The following LAMA2 variants were observed in gnomAD, a reference collection of about 807,000 sequenced individuals.
LAMA2 encodes the protein laminin subunit alpha-2.
A neutral mutation model predicts 364.8 loss-of-function variants in LAMA2; 269 were observed. That is an observed-to-expected ratio of 0.74 (90% CI 0.67 to 0.82). The LOEUF (loss-of-function observed/expected upper bound fraction) is 0.82. Among genes scored for constraint, LAMA2 ranks in the 40% least tolerant of loss-of-function variants. LAMA2 has a pLI of 0.00. For synonymous variants in LAMA2, 1,379 were observed against 1,370.6 expected (o/e 1.01, Z -0.14); for missense variants, 3,807 against 3,873.2 (o/e 0.98, Z 0.45).
intron 34 of LAMA2, among the ~76,000 whole-genome samples, chr6:129,379,386 A>G (rs181662680): frequency 6.6e-6 from 1 of 152,162 alleles, no homozygotes; most frequent in Non-Finnish European, 1.5e-5. Context: ...TGAACTTAAA[A>G]GTTAAAAAAA....
intron 1 of LAMA2, among the ~76,000 whole-genome samples, chr6:128,950,318 G>T (rs1780731920): frequency 6.6e-6 from 1 of 152,148 alleles, no homozygotes; most frequent in Non-Finnish European, 1.5e-5. Context: ...AGGGTAAAGG[G>T]CACTGATTGT....
At chr6:129,118,411 T>G (rs1172706264) in intron 4 of LAMA2, among the ~76,000 whole-genome samples, 1 of 152,234 alleles carries the variant, frequency 6.6e-6, no homozygotes, top group African/African-American at 2.4e-5. Flanking sequence ...TGGTTTACGA[T>G]TCCTTCTTCC....
At chr6:129,108,121 A>G (rs1311443754) in intron 4 of LAMA2, among the ~76,000 whole-genome samples, 2 of 151,764 alleles carry the variant, frequency 1.3e-5, no homozygotes, top group African/African-American at 4.8e-5. Context: ...TAACCTCTTT[A>G]TCTTGCTCAT....
chr6:129,314,216 C>T (rs555446761), intron 23 of LAMA2, among the ~76,000 whole-genome samples: 19 of 152,004 alleles, frequency 1.2e-4, no homozygotes, highest in Non-Finnish European at 2.4e-4. Flanking sequence ...CTGGCTAACA[C>T]GGTGAAACCC....
At chr6:129,062,036 G>C (rs1172916831) in intron 3 of LAMA2, among the ~76,000 whole-genome samples, 2 of 152,146 alleles carry the variant, frequency 1.3e-5, no homozygotes, top group Non-Finnish European at 2.9e-5. Flanking sequence ...AGTTAAACAG[G>C]TTTTGTAATC....
chr6:129,050,302 G>C (rs115662437), intron 2 of LAMA2, among the ~76,000 whole-genome samples: 2 of 152,108 alleles, frequency 1.3e-5, no homozygotes, highest in Non-Finnish European at 2.9e-5. Flanking sequence ...GAGATGATTC[G>C]CCAGCTGAAG....
intron 1 of LAMA2, among the ~76,000 whole-genome samples, chr6:128,958,185 C>T (rs1331411688): frequency 1.3e-5 from 2 of 151,978 alleles, no homozygotes; most frequent in Admixed American, 6.6e-5. Flanking sequence ...TTAATCATTA[C>T]AATTATTTAT....
At chr6:129,131,727 C>T (rs759915029) in intron 4 of LAMA2, among the ~76,000 whole-genome samples, 2 of 152,120 alleles carry the variant, frequency 1.3e-5, no homozygotes, top group Admixed American at 6.5e-5. Flanking sequence ...GAACCTAAAC[C>T]TTGGGGTACT....
intron 9 of LAMA2, among the ~76,000 whole-genome samples, chr6:129,172,176 G>A (rs1290691777): frequency 6.6e-5 from 10 of 152,068 alleles, no homozygotes; most frequent in South Asian, 2.1e-4. Flanking sequence ...CTCTCAGCTC[G>A]TCAAAGTCGT....
chr6:129,119,557 T>A (rs1776681590), intron 4 of LAMA2, among the ~76,000 whole-genome samples: 1 of 151,946 alleles, frequency 6.6e-6, no homozygotes, highest in East Asian at 1.9e-4. Context: ...TAATTATTTA[T>A]TTATTTTTGA....
intron 14 of LAMA2, among the ~76,000 whole-genome samples, chr6:129,256,733 C>CTA (rs1160516070): frequency 4.7e-5 from 5 of 105,442 alleles, no homozygotes; most frequent in Non-Finnish European, 9.8e-5. Context: ...AAATATCTTG[C>CTA]TATATATATA....
At chr6:129,089,008 C>G (rs1256675759) in intron 3 of LAMA2, among the ~76,000 whole-genome samples, 2 of 152,148 alleles carry the variant, frequency 1.3e-5, no homozygotes, top group African/African-American at 4.8e-5. Context: ...CACCACTGCA[C>G]TCCAGCCTGG....
intron 8 of LAMA2, among the ~76,000 whole-genome samples, chr6:129,156,171 AATAT>A (rs1277865887): frequency 6.6e-6 from 1 of 151,126 alleles, no homozygotes; most frequent in Admixed American, 6.6e-5. Context: ...GTATATATAT[AATAT>A]ATATATACAA....
At chr6:129,244,342 T>A (rs1785595132) in intron 12 of LAMA2, among the ~76,000 whole-genome samples, 1 of 152,098 alleles carries the variant, frequency 6.6e-6, no homozygotes, top group African/African-American at 2.4e-5. Context: ...TACAAATAGA[T>A]GCATGAATAA....
intron 61 of LAMA2, among the ~76,000 whole-genome samples, chr6:129,506,368 T>C (rs1786075860): frequency 6.6e-6 from 1 of 151,118 alleles, no homozygotes; most frequent in Non-Finnish European, 1.5e-5. Context: ...AATAAATAAA[T>C]AAATAAATAA....
intron 1 of LAMA2, among the ~76,000 whole-genome samples, chr6:128,904,968 G>C (rs868090847): frequency 2.0e-5 from 3 of 152,158 alleles, no homozygotes; most frequent in African/African-American, 7.2e-5. Context: ...TTTTGCTTAT[G>C]TGCCAATTTT....
chr6:128,883,646 T>G (rs1032912015), intron 1 of LAMA2, among the ~76,000 whole-genome samples: 1 of 151,974 alleles, frequency 6.6e-6, no homozygotes, highest in Non-Finnish European at 1.5e-5. Context: ...ATTTCTGAAA[T>G]CTTTCCAAGA....
intron 51 of LAMA2, among the ~76,000 whole-genome samples, chr6:129,470,140 G>A (rs1783738782): frequency 6.6e-6 from 1 of 151,842 alleles, no homozygotes; most frequent in Non-Finnish European, 1.5e-5. Flanking sequence ...GAGGTATTTA[G>A]GAGAAGAAAT....
intron 4 of LAMA2, among the ~76,000 whole-genome samples, chr6:129,111,423 A>C (rs943903961): frequency 6.6e-6 from 1 of 152,082 alleles, no homozygotes; most frequent in Non-Finnish European, 1.5e-5. Context: ...TTCTTTGTGT[A>C]AATTTGTTCT....
Sources: allele counts gnomAD v4.1 joint callset (sites outside exome capture counted in the v4.1 genomes callset), GRCh38; gene constraint gnomAD v4.1.1; transcripts MANE v1.5; gene names NCBI Gene and HGNC (gene_info 2026-07-23, HGNC 2026-07-21).